Variants in CCNF observed in about 807,000 individuals in gnomAD.
CCNF encodes the protein cyclin-F.
In CCNF, 30 loss-of-function variants were observed where a neutral mutation model predicts 85.4. That is an observed-to-expected ratio of 0.35 (90% confidence interval 0.26 to 0.48). The LOEUF (loss-of-function observed/expected upper bound fraction) is 0.48, where lower values mean the gene tolerates loss of function less well. Ranked by LOEUF, CCNF falls within the 20% of genes least tolerant of loss-of-function variation. The probability of loss-of-function intolerance (pLI) is 0.99; values close to 1 mark genes in which losing one functional copy is unlikely to be tolerated. For missense variants in CCNF, 919 were observed against 1,010.4 expected (o/e 0.91, Z 1.23); for synonymous variants, 439 against 425.1 (o/e 1.03, Z -0.40).
At position 2,453,164 on chromosome 16, in the gene CCNF, G is replaced by T; in HGVS notation, c.1488-46G>T. 1 of 1,525,400 alleles carries T rather than the reference G, an allele frequency of 6.6e-7. No homozygotes were observed. The highest frequency in any genetic ancestry group is 9.1e-7 in the Non-Finnish European group (1 of 1,099,930). The allele number at this position is 1,525,400 out of a possible 1,614,324, so 94.5% of individuals were successfully genotyped here. On this transcript the variant is annotated intron_variant, in intron 13 of 16. Transcript: ENST00000397066. This position sits in a 1 kb window ranked among gnomAD's most constrained non-coding sequence, Gnocchi z 5.6. ...CTTCAGTGAACTGAAGCTAAAAATGGGGTGGGGGTGCCTCACATGTCCACT... is the reference window on the plus strand; with the variant it reads ...CTTCAGTGAACTGAAGCTAAAAATGTGGTGGGGGTGCCTCACATGTCCACT...
chr16:2,441,224 C>T (rs113220942), intron 8 of CCNF, among the ~76,000 whole-genome samples: 2,935 of 151,104 alleles, frequency 0.019, 36 homozygotes, highest in Non-Finnish European at 0.028. Context: ...CAGAGCGATA[C>T]TCCATCTCAA....
intron 8 of CCNF, among the ~76,000 whole-genome samples, chr16:2,441,126 C>T (rs748232057): frequency 4.6e-5 from 7 of 151,794 alleles, no homozygotes; most frequent in East Asian, 3.9e-4. Context: ...CCCAGCTACG[C>T]GGGAGGCTGA....
chr16:2,429,935 C>G (rs1471569071), intron 1 of CCNF, among the ~76,000 whole-genome samples: 1 of 152,198 alleles, frequency 6.6e-6, no homozygotes, highest in Non-Finnish European at 1.5e-5. Context: ...GTGGACCTAG[C>G]TCTGTGGAAA....
chr16:2,456,738 A>G lies in CCNF; in HGVS notation c.2079A>G (p.Pro693=). ...CCCTGGTCCGCACCAGCCGGGAGCC[A>G]GGGAAGGACGTCACGACCTCAGGGT... ...PKPLVRTSRE[P]GKDVTTSGYS... The change falls in exon 17 of 17, where the codon CCA becomes CCG. Residue 693 remains proline (P), a synonymous_variant. Transcript: ENST00000397066. This position sits in a 1 kb window ranked among gnomAD's most constrained non-coding sequence, Gnocchi z 4.5. 1 of 1,612,338 alleles carries G rather than the reference A, an allele frequency of 6.2e-7. No homozygotes were observed. Among genetic ancestry groups the G allele is most frequent in the South Asian group, 1.1e-5 (1 of 90,936 alleles).
rs2065403284 is a variant in CCNF, at chr16:2,453,013, T to G, written c.1488-197T>G. The G allele has an allele frequency of 1.7e-6, 1 of 603,602 alleles. No homozygotes were observed. The highest frequency in any genetic ancestry group is 2.8e-5 in the Admixed American group (1 of 35,248). 37.4% of individuals were successfully genotyped at this position (603,602 alleles called of 1,614,324 possible). On this transcript the variant is annotated intron_variant, in intron 13 of 16. Coordinates refer to ENST00000397066, the MANE Select transcript of CCNF (RefSeq NM_001761.3). The surrounding 1 kb of genome is among the most constrained non-coding windows in gnomAD (Gnocchi z 5.6). ...ACAGGTTTCTGTGTGGACATAGTTT[T>G]TCCTTTTTCCTGGGTCTTTACCTAG...
In CCNF at chr16:2,453,576, G is replaced by A. The variant is rs752599744; in HGVS notation, c.1715+39G>A. ...CGTTCTGGCTGCGCCATACAATGCT[G>A]GCATCCTCGTGCCGGCCCAGTTCCC... On this transcript the variant is annotated intron_variant, in intron 15 of 16. Transcript: ENST00000397066. This position sits in a 1 kb window ranked among gnomAD's most constrained non-coding sequence, Gnocchi z 5.6. 1 of 1,612,042 alleles carries A rather than the reference G, an allele frequency of 6.2e-7. No individual in the cohort carries two copies. Among genetic ancestry groups the A allele is most frequent in the Non-Finnish European group, 8.5e-7 (1 of 1,179,022 alleles).
At chr16:2,449,791 T>TCCATCCCCA in intron 12 of CCNF, 37 bp from the exon 13 acceptor site, 1 of 367,600 alleles carries the variant, frequency 2.7e-6, no homozygotes, top group Non-Finnish European at 4.9e-6. Flanking sequence ...CTCCGTCCCC[T>TCCATCCCCA]CCATCCCCTC....
intron 8 of CCNF, among the ~76,000 whole-genome samples, chr16:2,441,936 ATTATATATATAT>A (rs1567385631): frequency 1.9e-5 from 1 of 53,320 alleles, no homozygotes; most frequent in Admixed American, 2.6e-4. Flanking sequence ...ATATTAGCAA[ATTATATATATAT>A]ATATATATAT....
At position 2,451,245 on chromosome 16, in the gene CCNF, C is replaced by A. The variant is rs148212310; in HGVS notation, c.1487+1330C>A. Among the ~76,000 whole-genome samples, 1 of 152,130 alleles carries A rather than the reference C, an allele frequency of 6.6e-6. No individual in the cohort carries two copies. The highest frequency in any genetic ancestry group is 2.4e-5 in the African/African-American group (1 of 41,404). ...AGGCGCGCGGGGCAGGTGGCGCGGG[C>A]GGGGGCGACTCCCTTCAGGGAGCGT... On this transcript the variant is annotated intron_variant, in intron 13 of 16. Transcript: ENST00000397066. This position sits in a 1 kb window ranked among gnomAD's most constrained non-coding sequence, Gnocchi z 4.3.
chr16:2,437,312 A>G lies in CCNF; in HGVS notation c.530A>G (p.Gln177Arg). The change falls in exon 5 of 17, where the codon CAG becomes CGG. Residue 177 changes from glutamine (Q) to arginine (R), a missense_variant. By Grantham distance (43) the Gln-to-Arg change is conservative (BLOSUM62 1). Coordinates refer to ENST00000397066, the MANE Select transcript of CCNF (RefSeq NM_001761.3). ...CACGAGAGCCTCAGGGCAGAGTGCCAGCTGCAGAGGGTGAGTCTGGGCGAG... is the reference window on the plus strand; with the variant it reads ...CACGAGAGCCTCAGGGCAGAGTGCCGGCTGCAGAGGGTGAGTCTGGGCGAG... ...VVHESLRAEC[Q>R]LQRTHKASIL... 2 of 1,590,388 alleles carry G rather than the reference A, an allele frequency of 1.3e-6. No individual in the cohort carries two copies. The highest frequency in any genetic ancestry group is 1.7e-6 in the Non-Finnish European group (2 of 1,168,466).
At position 2,438,132 on chromosome 16, in the gene CCNF, A is replaced by G; in HGVS notation, c.594+9A>G. 5 of 1,594,860 alleles carry G rather than the reference A, an allele frequency of 3.1e-6. No homozygotes were observed. Among genetic ancestry groups the G allele is most frequent in the Non-Finnish European group, 4.3e-6 (5 of 1,162,472 alleles). ...TGCTGAGTCTGTTCGAGGTGAGTCA[A>G]GTTGTTCTCTGCACTGGGACTTTGT... On this transcript the variant is annotated intron_variant, in intron 6 of 16. Coordinates refer to ENST00000397066, the MANE Select transcript of CCNF (RefSeq NM_001761.3).
chr16:2,449,589 C>A, intron 12 of CCNF, 127 bp downstream of exon 12: 1 of 927,294 alleles, frequency 1.1e-6, no homozygotes. Context: ...AGATACAGCA[C>A]GGCTCCTACC....
chr16:2,434,698 T>G (rs1041795560), intron 3 of CCNF, among the ~76,000 whole-genome samples: 2 of 152,214 alleles, frequency 1.3e-5, no homozygotes, highest in Non-Finnish European at 2.9e-5. Context: ...TCACCAGTAC[T>G]TAACTTTAGA....
intron 3 of CCNF, among the ~76,000 whole-genome samples, chr16:2,433,642 A>G (rs764394555): frequency 6.6e-6 from 1 of 152,086 alleles, no homozygotes; most frequent in Non-Finnish European, 1.5e-5. Flanking sequence ...GCTGGAGTGC[A>G]GTGGTGCAAT....
At chr16:2,445,926 C>T (rs895777771) in intron 10 of CCNF, among the ~76,000 whole-genome samples, 6 of 152,040 alleles carry the variant, frequency 3.9e-5, no homozygotes, top group African/African-American at 7.2e-5. Context: ...GACGGGGTTT[C>T]ATCATGTTGG....
rs531998268 is a variant in CCNF at position 2,457,180 on chromosome 16, G to A, written c.*160G>A. 16 of 578,076 alleles carry A rather than the reference G, an allele frequency of 2.8e-5. No homozygotes were observed. Among genetic ancestry groups the A allele is most frequent in the South Asian group, 4.7e-5 (2 of 42,292 alleles). 35.8% of individuals were successfully genotyped at this position (578,076 alleles called of 1,614,324 possible). A position where few individuals can be genotyped will look rare whatever the true frequency, so the allele number is the denominator to read the frequency against. ...AAGTTTCTGTCTCCGCGGGAGTCCC[G>A]TGCAAGCCATCAGAATGTTGAAATG... On this transcript the variant is annotated 3_prime_UTR_variant, in exon 17 of 17. Transcript: ENST00000397066.
chr16:2,453,183 G>A lies in CCNF; in HGVS notation c.1488-27G>A. ...AAAATGGGGTGGGGGTGCCTCACAT[G>A]TCCACTCCACGTGACTCTGTTTCCA... is the stretch of plus-strand genomic sequence containing the variant. On this transcript the variant is annotated intron_variant, in intron 13 of 16. Transcript: ENST00000397066. The surrounding 1 kb of genome is among the most constrained non-coding windows in gnomAD (Gnocchi z 5.6). 6.2e-6 allele frequency: 10 copies of A among 1,605,104 alleles called. No individual in the cohort carries two copies. The highest frequency in any genetic ancestry group is 8.5e-6 in the Non-Finnish European group (10 of 1,172,402).
rs554209971 is a variant in CCNF, at chr16:2,432,941, C to T, written c.172-20C>T. On this transcript the variant is annotated intron_variant, in intron 2 of 16. Transcript: ENST00000397066. Reference sequence around the variant, plus strand: ...GGGTGGTGCCTCCATCACCCAGCCCCGGCCCCCGTTGTTCTGCAGGTACAC... The same window carrying T: ...GGGTGGTGCCTCCATCACCCAGCCCTGGCCCCCGTTGTTCTGCAGGTACAC... 1.8e-5 allele frequency: 27 copies of T among 1,526,690 alleles called. No homozygotes were observed. The highest frequency in any genetic ancestry group is 2.3e-5 in the South Asian group (2 of 87,714). The allele number at this position is 1,526,690 out of a possible 1,614,324, so 94.6% of individuals were successfully genotyped here.
At position 2,439,755 on chromosome 16, in the gene CCNF, G is replaced by T; in HGVS notation, c.706G>T (p.Asp236Tyr). The change falls in exon 8 of 17, where the codon GAT (aspartate) becomes TAT (tyrosine). Residue 236 changes from aspartate (D) to tyrosine (Y), a missense_variant. By Grantham distance (160) the Asp-to-Tyr change is radical. Transcript: ENST00000397066. Reference protein sequence around the residue: ...WESDRRTDVSDPGRCLHSFRK... With the variant: ...WESDRRTDVSYPGRCLHSFRK... Reference sequence around the variant, plus strand: ...GGTGATCTCCCATTGACAGGTGTCAGATCCTGGGCGATGCCTCCACAGCTT... The same window carrying T: ...GGTGATCTCCCATTGACAGGTGTCATATCCTGGGCGATGCCTCCACAGCTT... The T allele has an allele frequency of 1.2e-6, 2 of 1,614,062 alleles. No individual in the cohort carries two copies. The highest frequency in any genetic ancestry group is 1.3e-5 in the African/African-American group (1 of 75,048).
Sources: allele counts gnomAD v4.1 joint callset (sites outside exome capture counted in the v4.1 genomes callset), GRCh38; gene constraint gnomAD v4.1.1; non-coding constraint Gnocchi (gnomAD v3.1); transcripts MANE v1.5; gene names NCBI Gene and HGNC (gene_info 2026-07-23, HGNC 2026-07-21).